Variants in TVP23C observed in about 807,000 individuals in gnomAD.
TVP23C encodes the protein Golgi apparatus membrane protein TVP23 homolog C.
A neutral mutation model predicts 28.7 loss-of-function variants in TVP23C; 19 were observed. That is an observed-to-expected ratio of 0.66 (90% CI 0.46 to 0.97). The LOEUF is 0.97. TVP23C is among the 50% of genes least tolerant of loss of function. TVP23C has a pLI of 0.00. For missense variants in TVP23C, 186 were observed against 241.3 expected (o/e 0.77, Z 1.52); for synonymous variants, 68 against 81.7 (o/e 0.83, Z 0.90).
chr17:15,516,366 A>C (rs1411002167), intron 5 of TVP23C: 1 of 152,262 alleles, frequency 6.6e-6, no homozygotes, highest in Admixed American at 6.5e-5. Context: ...TCAGGCTGTC[A>C]TAACAAAGTT....
chr17:15,553,814 C>T lies in TVP23C; in HGVS notation c.111G>A (p.Ser37=). Residue 37 remains serine (S), a synonymous_variant, in exon 3 of 6, where the codon TCG becomes TCA. Coordinates refer to ENST00000518321, the MANE Select transcript of TVP23C (RefSeq NM_001135036.2). Reference sequence around the variant, plus strand: ...TGACTCGAAAGAATAAGTGGAAAAACGATGCTACTGGATGTCTGAAAACCA... The same window carrying T: ...TGACTCGAAAGAATAAGTGGAAAAATGATGCTACTGGATGTCTGAAAACCA... ...RKAKIRHPVA[S]FFHLFFRVSA... 2.5e-6 allele frequency: 4 copies of T among 1,613,632 alleles called. No homozygotes were observed. Among genetic ancestry groups the T allele is most frequent in the Non-Finnish European group, 2.5e-6 (3 of 1,179,774 alleles).
At chr17:15,507,991 T>C (rs1048317590) in intron 5 of TVP23C, among the ~76,000 whole-genome samples, 2 of 152,216 alleles carry the variant, frequency 1.3e-5, no homozygotes, top group African/African-American at 4.8e-5. Flanking sequence ...AGTGTTAGCA[T>C]AGTGACTGCC....
At chr17:15,559,642 T>C (rs1984292743) in intron 1 of TVP23C, among the ~76,000 whole-genome samples, 1 of 148,796 alleles carries the variant, frequency 6.7e-6, no homozygotes, top group Admixed American at 6.8e-5. Context: ...AGGAAACTAC[T>C]TTAATCACGA....
At chr17:15,543,458 A>C (rs2532466) in intron 5 of TVP23C, among the ~76,000 whole-genome samples, 3,844 of 147,718 alleles carry the variant, frequency 0.026, 104 homozygotes, top group African/African-American at 0.053. Flanking sequence ...AAGAAAAAAA[A>C]CCCACCAAAA....
intron 5 of TVP23C, among the ~76,000 whole-genome samples, chr17:15,529,008 G>C (rs555383872): frequency 2.0e-5 from 3 of 152,158 alleles, no homozygotes; most frequent in African/African-American, 7.2e-5. Flanking sequence ...ACTATTGTTA[G>C]ATTTTCTGAC....
intron 5 of TVP23C, among the ~76,000 whole-genome samples, chr17:15,541,816 T>G (rs1983423509): frequency 6.6e-6 from 1 of 152,156 alleles, no homozygotes; most frequent in South Asian, 2.1e-4. Flanking sequence ...AATTTCCTTT[T>G]AATTTCCCAT....
exon 6 of TVP23C, chr17:15,502,795 T>G (rs12938336): frequency 6.9e-7 from 1 of 1,459,506 alleles, no homozygotes; most frequent in East Asian, 2.3e-5. Context: ...CCCTCTCTCC[T>G]CTCTCCTCTC....
At chr17:15,525,219 C>A (rs1203456072) in intron 5 of TVP23C, among the ~76,000 whole-genome samples, 2 of 152,278 alleles carry the variant, frequency 1.3e-5, no homozygotes, top group African/African-American at 4.8e-5. Flanking sequence ...TTATTGAGTG[C>A]CATTAGGTGC....
intron 1 of TVP23C, among the ~76,000 whole-genome samples, chr17:15,561,310 A>T (rs757198869): frequency 1.4e-4 from 21 of 152,180 alleles, no homozygotes; most frequent in Non-Finnish European, 2.6e-4. Context: ...ATCAAGTGGG[A>T]ACAGTCGGCC....
At chr17:15,526,509 TG>T (rs1982734702) in intron 5 of TVP23C, among the ~76,000 whole-genome samples, 1 of 152,244 alleles carries the variant, frequency 6.6e-6, no homozygotes, top group African/African-American at 2.4e-5. Context: ...GCTTGATCTC[TG>T]GTACATTGTG....
intron 3 of TVP23C, among the ~76,000 whole-genome samples, chr17:15,551,962 C>T: frequency 6.6e-6 from 1 of 152,118 alleles, no homozygotes; most frequent in East Asian, 1.9e-4. Context: ...GTTTTGCTAT[C>T]TATAAGTAAT....
intron 1 of TVP23C, among the ~76,000 whole-genome samples, chr17:15,560,058 G>C (rs1567646240): frequency 1.3e-5 from 2 of 149,258 alleles, no homozygotes; most frequent in African/African-American, 4.9e-5. Context: ...AGAGACCACT[G>C]TATTTTTTTT....
intron 3 of TVP23C, among the ~76,000 whole-genome samples, chr17:15,547,976 AT>A (rs1343360920): frequency 1.3e-5 from 2 of 152,170 alleles, no homozygotes; most frequent in African/African-American, 4.8e-5. Context: ...GTAAAAAAAA[AT>A]GTTACCTTCA....
At chr17:15,518,348 C>T (rs567312342) in intron 5 of TVP23C, among the ~76,000 whole-genome samples, 4 of 152,236 alleles carry the variant, frequency 2.6e-5, no homozygotes, top group South Asian at 4.1e-4. Context: ...ACTGTATCAA[C>T]GGCACATCCA....
At position 15,538,362 on chromosome 17, in the gene TVP23C, G is replaced by A. The variant is rs1259357868; in HGVS notation, c.*2050C>T. ...TCCCAGCACTTTGGGAGGCCGAGGA[G>A]GGTGGATCATGAGGTCAGGAGATCG... On this transcript the variant is annotated 3_prime_UTR_variant, in exon 6 of 6. Transcript: ENST00000518321. The A allele has an allele frequency of 1.2e-6, 1 of 853,368 alleles. No homozygotes were observed. The highest frequency in any genetic ancestry group is 1.4e-6 in the Non-Finnish European group (1 of 710,012). The allele number at this position is 853,368 out of a possible 1,614,324, so 52.9% of individuals were successfully genotyped here. A position where few individuals can be genotyped will look rare whatever the true frequency, so the allele number is the denominator to read the frequency against.
intron 4 of TVP23C, 149 bp downstream of exon 4, chr17:15,546,910 A>G: frequency 9.7e-7 from 1 of 1,034,894 alleles, no homozygotes; most frequent in Non-Finnish European, 1.4e-6. Flanking sequence ...AAATGCATTA[A>G]ATTCTAGAAG....
Position 15,538,939 on chromosome 17 carries a change from C to A in TVP23C, c.*1473G>T. ...AATATTCATTTTCTCTACTTTTCAT[C>A]TTCTGTGAGAGAAACTGTACAGTAG... On this transcript the variant is annotated 3_prime_UTR_variant, in exon 6 of 6. Transcript: ENST00000518321. The A allele has an allele frequency of 2.0e-6, 2 of 985,830 alleles. No homozygotes were observed. The highest frequency in any genetic ancestry group is 2.4e-6 in the Non-Finnish European group (2 of 829,914). The allele number at this position is 985,830 out of a possible 1,614,324, so 61.1% of individuals were successfully genotyped here.
chr17:15,502,968 G>T (rs1031253106), exon 6 of TVP23C: 1 of 1,614,160 alleles, frequency 6.2e-7, no homozygotes, highest in South Asian at 1.1e-5. Flanking sequence ...CGCAAGGAGA[G>T]AAATAGGCGG....
At chr17:15,514,946 G>A (rs920001066) in intron 5 of TVP23C, among the ~76,000 whole-genome samples, 15 of 152,116 alleles carry the variant, frequency 9.9e-5, no homozygotes, top group Non-Finnish European at 1.8e-4. Context: ...AGATCCCCGC[G>A]GATCCCTTTT....
Sources: gnomAD v4.1 joint callset for allele counts (sites outside exome capture counted in the v4.1 genomes callset) on GRCh38, gnomAD v4.1.1 for gene constraint, MANE v1.5 for transcripts, NCBI Gene and HGNC (gene_info 2026-07-23, HGNC 2026-07-21) for gene names.